The following CREB5 variants were observed in gnomAD, a reference collection of about 807,000 sequenced individuals.
CREB5 encodes the protein cyclic AMP-responsive element-binding protein 5.
In CREB5, 19 loss-of-function variants were observed where a neutral mutation model predicts 57.1. That is an observed-to-expected ratio of 0.33 (90% CI 0.23 to 0.49). The LOEUF (loss-of-function observed/expected upper bound fraction) is 0.49. Among genes scored for constraint, CREB5 ranks in the 20% least tolerant of loss-of-function variants. The pLI is 0.99. For synonymous variants in CREB5, 238 were observed against 238.3 expected, an observed-to-expected ratio of 1.00 and a Z score of 0.01; for missense variants, 579 against 671.6, an observed-to-expected ratio of 0.86 and a Z score of 1.52.
At chr7:28,633,955 G>A (rs958771574) in intron 5 of CREB5, among the ~76,000 whole-genome samples, 1 of 152,318 alleles carries the variant, frequency 6.6e-6, no homozygotes, top group South Asian at 2.1e-4. Flanking sequence ...TCTTAAAGAA[G>A]AGAGTGAAAA....
Position 28,450,795 on chromosome 7 carries a change from CTT to C in CREB5, c.4-37376_4-37375del, listed in dbSNP as rs1035245830. Among the ~76,000 whole-genome samples the C allele has an allele frequency of 8.5e-5, 13 of 152,308 alleles. No individual in the cohort carries two copies. In the Middle Eastern group the frequency reaches 0.01, roughly 120 times the overall value. ...AACATATATTCTCTGCAATTCATGTCTTTTTGAAATAGTAATTTTCTTTCTGA... is the reference window on the plus strand; with the variant it reads ...AACATATATTCTCTGCAATTCATGTCTTTGAAATAGTAATTTTCTTTCTGA... On this transcript the variant is annotated intron_variant, in intron 1 of 10. Coordinates refer to ENST00000357727, the MANE Select transcript of CREB5 (RefSeq NM_182898.4).
rs554644081 is a variant in CREB5, at chr7:28,358,341, A to G, written c.-25+58900A>G. Reference sequence around the variant, plus strand: ...CCCACTGTCCCACCTGTGGACCCCAACCATCACACATTCCCCAGCTGAGGC... The same window carrying G: ...CCCACTGTCCCACCTGTGGACCCCAGCCATCACACATTCCCCAGCTGAGGC... On this transcript the variant is annotated intron_variant, in intron 1 of 9. Transcript: ENST00000396299. Among the ~76,000 whole-genome samples, 11 of 152,252 alleles carry G rather than the reference A, an allele frequency of 7.2e-5. No individual in the cohort carries two copies. The East Asian group carries it at 2.1e-3, about 29-fold the overall frequency.
chr7:28,638,860 T>C (rs951326531), intron 5 of CREB5, among the ~76,000 whole-genome samples: 3 of 152,184 alleles, frequency 2.0e-5, no homozygotes, highest in Non-Finnish European at 4.4e-5. Flanking sequence ...AAAAGAGTGG[T>C]CAGATCATAA....
At chr7:28,806,504 A>C (rs1808740272) in intron 8 of CREB5, among the ~76,000 whole-genome samples, 2 of 152,180 alleles carry the variant, frequency 1.3e-5, no homozygotes, top group Admixed American at 1.3e-4. Context: ...TTGAAATTAT[A>C]ATTTATTACT....
At chr7:28,373,646 C>T (rs2127994469) in intron 1 of CREB5, among the ~76,000 whole-genome samples, 1 of 151,630 alleles carries the variant, frequency 6.6e-6, no homozygotes, top group Non-Finnish European at 1.5e-5. Flanking sequence ...GGCTGGTCTC[C>T]AACTCCTGGG....
chr7:28,449,885 C>T (rs1789706957), intron 1 of CREB5, among the ~76,000 whole-genome samples: 2 of 152,180 alleles, frequency 1.3e-5, no homozygotes, highest in South Asian at 2.1e-4. Flanking sequence ...CCTCTTTCTC[C>T]TATCTCCCTC....
chr7:28,435,727 A>G, intron 1 of CREB5: 1 of 906,710 alleles, frequency 1.1e-6, no homozygotes, highest in Non-Finnish European at 1.3e-6. Flanking sequence ...GTGACAGATG[A>G]ACCAAACACT....
intron 5 of CREB5, among the ~76,000 whole-genome samples, chr7:28,706,929 A>G (rs894101063): frequency 1.3e-5 from 2 of 152,230 alleles, no homozygotes; most frequent in African/African-American, 4.8e-5. Context: ...GAGATAGTGG[A>G]CCATGAGGTA....
chr7:28,790,456 GAGAGATAGAGAGAGAGAGAAAGAA>G (rs1176790908), intron 7 of CREB5, among the ~76,000 whole-genome samples: 10 of 34,822 alleles, frequency 2.9e-4, no homozygotes, highest in African/African-American at 1.5e-3. Flanking sequence ...GAGAGAGAGA[GAGAGATAGAGAGAGAGAGAAAGAA>G]AGAAAGAAAG....
At chr7:28,494,279 A>G (rs1024249692) in intron 2 of CREB5, among the ~76,000 whole-genome samples, 6 of 152,224 alleles carry the variant, frequency 3.9e-5, no homozygotes, top group Non-Finnish European at 5.9e-5. Context: ...TGCTGCCATT[A>G]TTAGTTATTC....
At chr7:28,528,012 A>G in intron 4 of CREB5, among the ~76,000 whole-genome samples, 1 of 152,192 alleles carries the variant, frequency 6.6e-6, no homozygotes, top group South Asian at 2.1e-4. Context: ...GCAAAGTTAT[A>G]GTGAGGTTTG....
At chr7:28,457,596 G>T (rs892472109) in intron 1 of CREB5, among the ~76,000 whole-genome samples, 2 of 152,188 alleles carry the variant, frequency 1.3e-5, no homozygotes, top group African/African-American at 4.8e-5. Flanking sequence ...CCAGGGATTG[G>T]ATTTTATGTT....
chr7:28,648,538 C>A (rs1394686914), intron 5 of CREB5, among the ~76,000 whole-genome samples: 1 of 151,980 alleles, frequency 6.6e-6, no homozygotes, highest in East Asian at 1.9e-4. Context: ...GAGTTCAAGA[C>A]CAGCCTGGGA....
chr7:28,698,819 A>G (rs1044139884), intron 5 of CREB5, among the ~76,000 whole-genome samples: 5 of 152,212 alleles, frequency 3.3e-5, no homozygotes, highest in African/African-American at 1.2e-4. Flanking sequence ...TCCACACCTC[A>G]GAATTCTTCC....
intron 1 of CREB5, among the ~76,000 whole-genome samples, chr7:28,359,993 T>C (rs751713544): frequency 7.9e-5 from 12 of 152,294 alleles, no homozygotes; most frequent in Admixed American, 5.9e-4. Context: ...TCACTAATCA[T>C]CAGGGAAACA....
At position 28,412,924 on chromosome 7, in the gene CREB5, A is replaced by G; in HGVS notation, c.3+7A>G. On this transcript the variant is annotated splice_region_variant and intron_variant, in intron 1 of 10. Coordinates refer to ENST00000357727, the MANE Select transcript of CREB5 (RefSeq NM_182898.4). ...TTTTATTCTACAGATAATGGTAAGG[A>G]TGATGTTTATTATGCATATTAAACA... is the stretch of plus-strand genomic sequence containing the variant. 6.8e-7 allele frequency: 1 copy of G among 1,478,204 alleles called. No individual in the cohort carries two copies. Among genetic ancestry groups the G allele is most frequent in the Non-Finnish European group, 9.0e-7 (1 of 1,109,764 alleles). 91.6% of individuals were successfully genotyped at this position (1,478,204 alleles called of 1,614,324 possible). A position where few individuals can be genotyped will look rare whatever the true frequency, so the allele number is the denominator to read the frequency against.
At position 28,618,205 on chromosome 7, in the gene CREB5, C is replaced by G. The variant is rs539028700; in HGVS notation, c.464+47668C>G. ...AGCCAGGAAAGGTTGTTGGAAACAA[C>G]TGTCCTGCTTGGCTTCCATTTCTTT... On this transcript the variant is annotated intron_variant, in intron 5 of 10. Coordinates refer to ENST00000357727, the MANE Select transcript of CREB5 (RefSeq NM_182898.4). Among the ~76,000 whole-genome samples, 14 of 152,276 alleles carry G rather than the reference C, an allele frequency of 9.2e-5. No homozygotes were observed. In the East Asian group the frequency reaches 2.5e-3, roughly 27 times the overall value.
At chr7:28,739,113 G>A (rs987744693) in intron 7 of CREB5, among the ~76,000 whole-genome samples, 13 of 152,196 alleles carry the variant, frequency 8.5e-5, no homozygotes, top group African/African-American at 3.1e-4. Flanking sequence ...TGGCTGGGAG[G>A]TGTCTAGAGT....
At position 28,636,672 on chromosome 7, in the gene CREB5, A is replaced by G. The variant is rs944256161; in HGVS notation, c.464+66135A>G. On this transcript the variant is annotated intron_variant, in intron 5 of 10. Coordinates refer to ENST00000357727, the MANE Select transcript of CREB5 (RefSeq NM_182898.4). ...AGTCATCCTAGACTTTTCCCTTTCA[A>G]TCATAACCTACAACTTGAAAGTTTG... is the stretch of plus-strand genomic sequence containing the variant. 2.0e-5 allele frequency among the ~76,000 whole-genome samples: 3 copies of G among 152,104 alleles called. No homozygotes were observed. The East Asian group carries it at 5.8e-4, about 29-fold the overall frequency.
Sources: gnomAD v4.1 joint callset for allele counts (sites outside exome capture counted in the v4.1 genomes callset) on GRCh38, gnomAD v4.1.1 for gene constraint, MANE v1.5 for transcripts, NCBI Gene and HGNC (gene_info 2026-07-23, HGNC 2026-07-21) for gene names.